The following MFSD6 variants were observed in gnomAD, a reference collection of about 807,000 sequenced individuals.
MFSD6 encodes the protein major facilitator superfamily domain-containing protein 6.
In MFSD6, 26 loss-of-function variants were observed where a neutral mutation model predicts 56.3. The observed-to-expected ratio is 0.46, with a 90% CI of 0.34 to 0.64. The LOEUF (loss-of-function observed/expected upper bound fraction) is 0.64, where lower values mean the gene tolerates loss of function less well. Ranked by LOEUF, MFSD6 falls within the 30% of genes least tolerant of loss-of-function variation. MFSD6 has a pLI of 0.01. For missense variants in MFSD6, 750 were observed against 986.2 expected (o/e 0.76, Z 3.21); for synonymous variants, 331 against 366.9 (o/e 0.90, Z 1.12).
At chr2:190,482,719 G>A (rs1007039428) in intron 4 of MFSD6, among the ~76,000 whole-genome samples, 4 of 152,030 alleles carry the variant, frequency 2.6e-5, no homozygotes, top group African/African-American at 7.2e-5. Context: ...GAGCATTCTT[G>A]TGGGCCAAGA....
intron 2 of MFSD6, among the ~76,000 whole-genome samples, chr2:190,435,611 T>A (rs1296378344): frequency 6.6e-6 from 1 of 150,594 alleles, no homozygotes; most frequent in East Asian, 2.0e-4. Flanking sequence ...GTGGATTTGT[T>A]TGAACAGTAA....
rs1441966766 is a variant in MFSD6, at chr2:190,424,586, C to T, written c.-54+9173C>T. 2.0e-5 allele frequency among the ~76,000 whole-genome samples: 3 copies of T among 152,116 alleles called. No homozygotes were observed. Among genetic ancestry groups the T allele is most frequent in the African/African-American group, 4.8e-5 (2 of 41,412 alleles). On this transcript the variant is annotated intron_variant, in intron 2 of 7. Transcript: ENST00000392328. This position sits in a 1 kb window ranked among gnomAD's most constrained non-coding sequence, Gnocchi z 5.9. ...CTGACCTCAGGTGATCCGTCCACCT[C>T]GGCCACCAAAGTGCTGGGATTACAG...
At chr2:190,419,807 A>G (rs1685540588) in intron 2 of MFSD6, among the ~76,000 whole-genome samples, 1 of 152,210 alleles carries the variant, frequency 6.6e-6, no homozygotes. Context: ...TATTTGAATG[A>G]CTCAGTGTAG....
chr2:190,435,889 T>C, intron 2 of MFSD6, 88 bp from the exon 3 acceptor site: 1 of 1,123,714 alleles, frequency 8.9e-7, no homozygotes, highest in Non-Finnish European at 1.2e-6. Flanking sequence ...TTTTAGTTTG[T>C]AACTGCTTAA....
chr2:190,489,676 C>G lies in MFSD6; in HGVS notation c.1793-92C>G. 3.3e-6 allele frequency: 4 copies of G among 1,216,556 alleles called. No individual in the cohort carries two copies. Among genetic ancestry groups the G allele is most frequent in the Non-Finnish European group, 4.6e-6 (4 of 867,028 alleles). The allele number at this position is 1,216,556 out of a possible 1,614,324, so 75.4% of individuals were successfully genotyped here. ...TCTGGTTTGTCTCAAGCTGTGCTTC[C>G]TTTGCTTTGATCTTTAGAAAACTGA... On this transcript the variant is annotated intron_variant, in intron 5 of 7. Coordinates refer to ENST00000392328, the MANE Select transcript of MFSD6 (RefSeq NM_017694.4). The surrounding 1 kb of genome is among the most constrained non-coding windows in gnomAD (Gnocchi z 6.6).
rs549137628 is a variant in MFSD6, at chr2:190,501,507, C to A, written c.*1289C>A. ...TGGGGGGAGTGTGGAAAAGGGAAAA[C>A]TGTTTTAGCTGAATAAAGGTGAATT... On this transcript the variant is annotated 3_prime_UTR_variant, in exon 8 of 8. Coordinates refer to ENST00000392328, the MANE Select transcript of MFSD6 (RefSeq NM_017694.4). 1 of 152,094 alleles carries A rather than the reference C, an allele frequency of 6.6e-6. No homozygotes were observed. Among genetic ancestry groups the A allele is most frequent in the South Asian group, 2.1e-4 (1 of 4,820 alleles). 9.4% of individuals were successfully genotyped at this position (152,094 alleles called of 1,614,324 possible).
intron 3 of MFSD6, among the ~76,000 whole-genome samples, chr2:190,468,118 A>T (rs530138022): frequency 3.9e-5 from 6 of 151,948 alleles, no homozygotes; most frequent in African/African-American, 1.4e-4. Context: ...TTTTTTCCCT[A>T]GCAGAGGGAA....
Position 190,412,286 on chromosome 2 carries a change from A to G in MFSD6, c.-175-3006A>G, listed in dbSNP as rs962631282. 3 of 983,660 alleles carry G rather than the reference A, an allele frequency of 3.0e-6. No homozygotes were observed. Among genetic ancestry groups the G allele is most frequent in the South Asian group, 9.4e-5 (2 of 21,236 alleles). 60.9% of individuals were successfully genotyped at this position (983,660 alleles called of 1,614,324 possible). A position where few individuals can be genotyped will look rare whatever the true frequency, so the allele number is the denominator to read the frequency against. On this transcript the variant is annotated intron_variant, in intron 1 of 7. Coordinates refer to ENST00000392328, the MANE Select transcript of MFSD6 (RefSeq NM_017694.4). The surrounding 1 kb of genome is among the most constrained non-coding windows in gnomAD (Gnocchi z 4.1). ...TTAATTATCATTGTGGTAGTAGGTA[A>G]TCTTGAGAAAGAGGGAATTGTAAAA...
intron 6 of MFSD6, among the ~76,000 whole-genome samples, chr2:190,493,093 T>C (rs1689454956): frequency 6.6e-6 from 1 of 152,042 alleles, no homozygotes; most frequent in Non-Finnish European, 1.5e-5. Context: ...AATTGCAGAA[T>C]GGATAAGAAT....
intron 3 of MFSD6, among the ~76,000 whole-genome samples, chr2:190,442,216 C>A (rs1686406975): frequency 6.6e-6 from 1 of 151,992 alleles, no homozygotes; most frequent in African/African-American, 2.4e-5. Flanking sequence ...TCTAGAGGAC[C>A]AAGTATTATT....
chr2:190,497,359 G>GGTTT lies in MFSD6; in HGVS notation c.1892-79_1892-76dup. 6.7e-7 allele frequency: 1 copy of GGTTT among 1,488,340 alleles called. No individual in the cohort carries two copies. Among genetic ancestry groups the GGTTT allele is most frequent in the Non-Finnish European group, 9.1e-7 (1 of 1,102,868 alleles). 92.2% of individuals were successfully genotyped at this position (1,488,340 alleles called of 1,614,324 possible). A position where few individuals can be genotyped will look rare whatever the true frequency, so the allele number is the denominator to read the frequency against. ...TCTGGAATGGGTATATGGGATTCTT[G>GGTTT]GTTTATTTATTTATTTTTACCTTTG... is the stretch of plus-strand genomic sequence containing the variant. On this transcript the variant is annotated intron_variant, in intron 6 of 7. Transcript: ENST00000392328. This position sits in a 1 kb window ranked among gnomAD's most constrained non-coding sequence, Gnocchi z 5.2.
rs377605215 is a variant in MFSD6 at position 190,500,130 on chromosome 2, C to G, written c.2288C>G (p.Thr763Arg). ...QPSPDAAASQ[T>R]QTSPAHPSVD... The stretch of plus-strand genomic sequence containing the variant: ...TCCCCTGACGCAGCAGCATCTCAGA[C>G]GCAGACCAGCCCCGCTCACCCCAGT... The change falls in exon 8 of 8, where the codon ACG (threonine) becomes AGG (arginine). Residue 763 changes from threonine to arginine, a missense_variant. Physicochemically the swap from Thr to Arg is moderately conservative, Grantham distance 71. Coordinates refer to ENST00000392328, the MANE Select transcript of MFSD6 (RefSeq NM_017694.4). The surrounding 1 kb of genome is among the most constrained non-coding windows in gnomAD (Gnocchi z 5.3). The G allele has an allele frequency of 1.9e-6, 3 of 1,614,160 alleles. No homozygotes were observed. Among genetic ancestry groups the G allele is most frequent in the Non-Finnish European group, 2.5e-6 (3 of 1,180,038 alleles).
At chr2:190,435,279 T>C (rs1436733769) in intron 2 of MFSD6, 4 of 152,268 alleles carry the variant, frequency 2.6e-5, no homozygotes, top group Non-Finnish European at 4.4e-5. Flanking sequence ...TGAATATGAA[T>C]GAATACATGT....
In MFSD6 at chr2:190,439,615, ATTAG is replaced by A. The variant is rs780587931; in HGVS notation, c.1532+2058_1532+2061del. On this transcript the variant is annotated intron_variant, in intron 3 of 7. Transcript: ENST00000392328. The surrounding 1 kb of genome is among the most constrained non-coding windows in gnomAD (Gnocchi z 5.8). The stretch of plus-strand genomic sequence containing the variant: ...CTTGTGTGTTTCTTTCCTGTGTAGT[ATTAG>A]TTACTCATCATTTCAAAATTCACTT... Among the ~76,000 whole-genome samples, 1 of 152,118 alleles carries A rather than the reference ATTAG, an allele frequency of 6.6e-6. No homozygotes were observed. The highest frequency in any genetic ancestry group is 1.5e-5 in the Non-Finnish European group (1 of 68,034).
chr2:190,410,286 A>C lies in MFSD6; in HGVS notation c.-176+1783A>C, dbSNP rs900971227. Among the ~76,000 whole-genome samples the C allele has an allele frequency of 6.6e-6, 1 of 152,186 alleles. No individual in the cohort carries two copies. The highest frequency in any genetic ancestry group is 1.5e-5 in the Non-Finnish European group (1 of 68,026). ...ATAAATCTTTCCCCTAGTTCTGTGC[A>C]TGACAAAAAGGAAGCTCAGAAGGGT... On this transcript the variant is annotated intron_variant, in intron 1 of 7. Transcript: ENST00000392328. The surrounding 1 kb of genome is among the most constrained non-coding windows in gnomAD (Gnocchi z 4.4).
At chr2:190,442,589 A>G (rs2125065556) in intron 3 of MFSD6, 1 of 152,286 alleles carries the variant, frequency 6.6e-6, no homozygotes, top group Middle Eastern at 3.4e-3. Flanking sequence ...AGCAACAGAA[A>G]TTGAGGGAAG....
rs762982626 is a variant in MFSD6, at chr2:190,418,758, AAAAAC to A, written c.-54+3360_-54+3364del. On this transcript the variant is annotated intron_variant, in intron 2 of 7. Transcript: ENST00000392328. The surrounding 1 kb of genome is among the most constrained non-coding windows in gnomAD (Gnocchi z 4.1). ...GGTGGCAGAAGGAGCCCCTATCTAA[AAAAAC>A]AAAACAAAACAAAAGAATGACAAGG... Among the ~76,000 whole-genome samples the A allele has an allele frequency of 8.5e-5, 13 of 152,202 alleles. No homozygotes were observed. The highest frequency in any genetic ancestry group is 1.8e-4 in the Non-Finnish European group (12 of 68,032).
chr2:190,442,678 T>A (rs1686424674), intron 3 of MFSD6: 1 of 152,128 alleles, frequency 6.6e-6, no homozygotes, highest in Non-Finnish European at 1.5e-5. Flanking sequence ...TCCAGCTTGG[T>A]ATGGTAATTC....
rs1432456803 is a variant in MFSD6 at position 190,457,822 on chromosome 2, C to T, written c.1533-11936C>T. ...TCAACTATGCATGTGCCCTGGATGC[C>T]ACCACCTTGGCCAGCGTGCAGCATA... is the stretch of plus-strand genomic sequence containing the variant. On this transcript the variant is annotated intron_variant, in intron 3 of 7. Coordinates refer to ENST00000392328, the MANE Select transcript of MFSD6 (RefSeq NM_017694.4). The surrounding 1 kb of genome is among the most constrained non-coding windows in gnomAD (Gnocchi z 5.1). Among the ~76,000 whole-genome samples the T allele has an allele frequency of 6.6e-6, 1 of 152,184 alleles. No individual in the cohort carries two copies. The highest frequency in any genetic ancestry group is 1.5e-5 in the Non-Finnish European group (1 of 68,046).
Sources: allele counts gnomAD v4.1 joint callset (sites outside exome capture counted in the v4.1 genomes callset), GRCh38; gene constraint gnomAD v4.1.1; non-coding constraint Gnocchi (gnomAD v3.1); transcripts MANE v1.5; gene names NCBI Gene and HGNC (gene_info 2026-07-23, HGNC 2026-07-21).